Variants in TPO observed in about 807,000 individuals in gnomAD.
TPO encodes the protein thyroid peroxidase.
TPO carries 78 observed loss-of-function variants against 96.9 expected under a neutral mutation model. That is an observed-to-expected ratio of 0.81 (90% confidence interval 0.67 to 0.97). The LOEUF (loss-of-function observed/expected upper bound fraction) is 0.97. Ranked by LOEUF, TPO falls within the 50% of genes least tolerant of loss-of-function variation. TPO has a pLI of 0.00. For missense variants in TPO, 1,252 were observed against 1,274.8 expected (o/e 0.98, Z 0.27); for synonymous variants, 547 against 538.0 (o/e 1.02, Z -0.23).
At chr2:1,401,759 T>A (rs1350399550) in intron 1 of TPO, among the ~76,000 whole-genome samples, 3 of 152,076 alleles carry the variant, frequency 2.0e-5, no homozygotes, top group Non-Finnish European at 2.9e-5. Flanking sequence ...AACCAATATC[T>A]CAGTGATGAC....
At chr2:1,479,802 G>A (rs971299157) in intron 8 of TPO, among the ~76,000 whole-genome samples, 1 of 132,314 alleles carries the variant, frequency 7.6e-6, no homozygotes, top group South Asian at 2.4e-4. Context: ...CTTTTTTTTT[G>A]AGACAGTCTC....
intron 5 of TPO, among the ~76,000 whole-genome samples, chr2:1,443,497 TG>T (rs1340883129): frequency 1.4e-5 from 2 of 147,206 alleles, no homozygotes; most frequent in Non-Finnish European, 3.0e-5. Context: ...TGGAAGGGAA[TG>T]GGGCCGGGGC....
At chr2:1,455,137 T>A (rs1667668640) in intron 6 of TPO, among the ~76,000 whole-genome samples, 1 of 152,178 alleles carries the variant, frequency 6.6e-6, no homozygotes, top group Admixed American at 6.5e-5. Context: ...CATCTCCACC[T>A]CCCGTCAGGA....
intron 15 of TPO, among the ~76,000 whole-genome samples, chr2:1,539,618 A>G (rs4927631): frequency 0.58 from 88,185 of 151,934 alleles, 25,634 homozygotes; most frequent in South Asian, 0.66. Flanking sequence ...TGGAATGGCT[A>G]TGCGGAGGGC....
rs1674493522 is a variant in TPO at position 1,514,606 on chromosome 2, GA to G, written c.2519-2276del. Among the ~76,000 whole-genome samples, 10 of 152,296 alleles carry G rather than the reference GA, an allele frequency of 6.6e-5. No homozygotes were observed. The South Asian group carries it at 2.1e-3, about 32-fold the overall frequency. Reference sequence around the variant, plus strand: ...CAGGGCTCCCCGGGGTGGCACTGAAGAGGTCGGAAAGCCACTCCGGCAGCAG... The same window carrying G: ...CAGGGCTCCCCGGGGTGGCACTGAAGGGTCGGAAAGCCACTCCGGCAGCAG... On this transcript the variant is annotated intron_variant, in intron 14 of 16. Coordinates refer to ENST00000329066, the MANE Select transcript of TPO (RefSeq NM_001206744.2).
At chr2:1,380,356 T>C (rs1174406984) in intron 1 of TPO, among the ~76,000 whole-genome samples, 2 of 144,220 alleles carry the variant, frequency 1.4e-5, no homozygotes, top group Non-Finnish European at 3.0e-5. Flanking sequence ...ATCACTTTAC[T>C]GCACTCCAGC....
At chr2:1,485,066 C>T (rs1573382234) in intron 9 of TPO, among the ~76,000 whole-genome samples, 1 of 151,602 alleles carries the variant, frequency 6.6e-6, no homozygotes, top group Admixed American at 6.6e-5. Flanking sequence ...CTGACCCCCA[C>T]CCCACGACAG....
chr2:1,382,311 T>C (rs1284306320), intron 1 of TPO, among the ~76,000 whole-genome samples: 1 of 152,154 alleles, frequency 6.6e-6, no homozygotes, highest in Non-Finnish European at 1.5e-5. Context: ...GTTGCTCTTT[T>C]CCAAGAGGTG....
Position 1,477,379 on chromosome 2 carries a change from G to A in TPO, c.1113G>A (p.Ala371=), listed in dbSNP as rs1043157010. Residue 371 remains alanine, a synonymous_variant, in exon 8 of 17, where the codon GCG becomes GCA. Coordinates refer to ENST00000329066, the MANE Select transcript of TPO (RefSeq NM_001206744.2). ...RAYLPFVPPR[A]PAACAPEPGI... The stretch of plus-strand genomic sequence containing the variant: ...ACCTGCCCTTCGTGCCGCCACGCGC[G>A]CCTGCGGCCTGTGCGCCCGAGCCCG... 11 of 1,523,656 alleles carry A rather than the reference G, an allele frequency of 7.2e-6. No homozygotes were observed. Among genetic ancestry groups the A allele is most frequent in the Non-Finnish European group, 9.7e-6 (11 of 1,134,596 alleles). 94.4% of individuals were successfully genotyped at this position (1,523,656 alleles called of 1,614,324 possible). A position where few individuals can be genotyped will look rare whatever the true frequency, so the allele number is the denominator to read the frequency against.
intron 1 of TPO, among the ~76,000 whole-genome samples, chr2:1,393,674 A>G (rs1269859923): frequency 1.3e-5 from 2 of 152,262 alleles, no homozygotes; most frequent in African/African-American, 4.8e-5. Context: ...CAGAAATACA[A>G]CAGAATAGAT....
chr2:1,389,819 G>A (rs1425385220), intron 1 of TPO, among the ~76,000 whole-genome samples: 1 of 151,882 alleles, frequency 6.6e-6, no homozygotes, highest in Admixed American at 6.6e-5. Context: ...TACCTGACTG[G>A]GTCAGCTCTC....
chr2:1,461,774 C>T (rs1668461076), intron 7 of TPO, among the ~76,000 whole-genome samples: 1 of 152,182 alleles, frequency 6.6e-6, no homozygotes, highest in South Asian at 2.1e-4. Flanking sequence ...CACACCTGCA[C>T]ACACCTCACA....
intron 7 of TPO, among the ~76,000 whole-genome samples, chr2:1,475,794 T>G (rs11681539): frequency 0.43 from 65,794 of 151,810 alleles, 14,411 homozygotes; most frequent in Non-Finnish European, 0.47. Flanking sequence ...ACGTGGACCC[T>G]GTGCTGGCTC....
chr2:1,418,311 G>A (rs1049061602), intron 2 of TPO, among the ~76,000 whole-genome samples: 56 of 151,204 alleles, frequency 3.7e-4, no homozygotes, highest in African/African-American at 8.5e-4. Flanking sequence ...GAGAGAGAGA[G>A]AAAAAAAGAA....
chr2:1,419,144 G>A (rs1223664230), intron 2 of TPO, among the ~76,000 whole-genome samples: 3 of 152,148 alleles, frequency 2.0e-5, no homozygotes, highest in African/African-American at 2.4e-5. Flanking sequence ...TGGGGGAACC[G>A]TGCCATGCGC....
chr2:1,396,192 A>G (rs1159709295), intron 1 of TPO, among the ~76,000 whole-genome samples: 2 of 152,322 alleles, frequency 1.3e-5, no homozygotes, highest in South Asian at 4.1e-4. Flanking sequence ...GGGGAGCCAC[A>G]TGGCCACAGA....
rs1666171043 is a variant in TPO, at chr2:1,441,294, G to A, written c.482+4910G>A. Among the ~76,000 whole-genome samples the A allele has an allele frequency of 2.6e-5, 4 of 152,204 alleles. No homozygotes were observed. In the South Asian group the frequency reaches 8.3e-4, roughly 32 times the overall value. ...TTGGTACGGTGTGGCCAATGCTGCAGGACGTACCATGTTGGAAGAGAATGG... is the reference window on the plus strand; with the variant it reads ...TTGGTACGGTGTGGCCAATGCTGCAAGACGTACCATGTTGGAAGAGAATGG... On this transcript the variant is annotated intron_variant, in intron 5 of 16. Coordinates refer to ENST00000329066, the MANE Select transcript of TPO (RefSeq NM_001206744.2).
At chr2:1,506,615 T>C (rs1673495133) in intron 14 of TPO, among the ~76,000 whole-genome samples, 1 of 152,246 alleles carries the variant, frequency 6.6e-6, no homozygotes, top group Admixed American at 6.5e-5. Context: ...GGTTTTGATT[T>C]GCATTTCTCT....
At chr2:1,432,877 A>G (rs772863802) in intron 3 of TPO, among the ~76,000 whole-genome samples, 1 of 152,118 alleles carries the variant, frequency 6.6e-6, no homozygotes. Flanking sequence ...AGAGGCATTC[A>G]GATGAGGCAG....
Sources: gnomAD v4.1 joint callset for allele counts (sites outside exome capture counted in the v4.1 genomes callset) on GRCh38, gnomAD v4.1.1 for gene constraint, MANE v1.5 for transcripts, NCBI Gene and HGNC (gene_info 2026-07-23, HGNC 2026-07-21) for gene names.